Variants in NAV2 observed in about 807,000 individuals in gnomAD.
NAV2 encodes the protein helicase, APC down-regulated 1.
Under a neutral mutation model 223.2 loss-of-function variants are expected in NAV2, and 54 were observed. That is an observed-to-expected ratio of 0.24 (90% CI 0.19 to 0.30). NAV2 has a LOEUF of 0.30. Ranked by LOEUF, NAV2 falls within the 10% of genes least tolerant of loss-of-function variation. The probability of loss-of-function intolerance (pLI) is 1.00; values close to 1 mark genes in which losing one functional copy is unlikely to be tolerated. For missense variants in NAV2, 2,806 were observed against 3,147.5 expected (o/e 0.89, Z 2.60); for synonymous variants, 1,279 against 1,239.3 (o/e 1.03, Z -0.67).
At chr11:19,591,242 A>G (rs1484764580) in intron 1 of NAV2, 2 of 152,208 alleles carry the variant, frequency 1.3e-5, no homozygotes, top group East Asian at 1.9e-4. Context: ...CCCATTAACA[A>G]TCTCTGGATC....
intron 1 of NAV2, among the ~76,000 whole-genome samples, chr11:19,377,483 C>T (rs904603024): frequency 4.6e-5 from 7 of 152,284 alleles, no homozygotes; most frequent in Non-Finnish European, 5.9e-5. Context: ...TTATCCCCCT[C>T]GCTGTGTTTG....
intron 1 of NAV2, among the ~76,000 whole-genome samples, chr11:19,554,264 A>G (rs2044791883): frequency 6.6e-6 from 1 of 152,202 alleles, no homozygotes; most frequent in South Asian, 2.1e-4. Context: ...AGTGTGGCTC[A>G]GAGAGGTAAA....
chr11:19,871,209 A>C (rs2062467725), intron 4 of NAV2, among the ~76,000 whole-genome samples: 1 of 152,162 alleles, frequency 6.6e-6, no homozygotes, highest in Admixed American at 6.5e-5. Context: ...TGGCCAGGAT[A>C]TATAACTCTG....
At chr11:19,661,896 A>G (rs1422257849) in intron 1 of NAV2, among the ~76,000 whole-genome samples, 1 of 152,252 alleles carries the variant, frequency 6.6e-6, no homozygotes, top group East Asian at 1.9e-4. Flanking sequence ...TAGAAGTCAA[A>G]TTGGAACCCA....
At chr11:19,863,940 G>A (rs1293662316) in intron 3 of NAV2, among the ~76,000 whole-genome samples, 2 of 152,276 alleles carry the variant, frequency 1.3e-5, no homozygotes, top group East Asian at 1.9e-4. Context: ...ACTTTTGATG[G>A]CAAATAGCAA....
At chr11:19,689,545 C>T (rs2152256263) in intron 1 of NAV2, among the ~76,000 whole-genome samples, 1 of 152,302 alleles carries the variant, frequency 6.6e-6, no homozygotes, top group Non-Finnish European at 1.5e-5. Context: ...CATAATCAGC[C>T]AGCTAAATTG....
At chr11:20,046,253 T>A (rs994920317) in intron 14 of NAV2, among the ~76,000 whole-genome samples, 2 of 151,736 alleles carry the variant, frequency 1.3e-5, no homozygotes, top group Non-Finnish European at 1.5e-5. Flanking sequence ...GAAGAATCAC[T>A]TGAACCCAGG....
At chr11:19,500,170 G>A (rs2042920532) in intron 1 of NAV2, among the ~76,000 whole-genome samples, 2 of 152,238 alleles carry the variant, frequency 1.3e-5, no homozygotes, top group Middle Eastern at 3.4e-3. Flanking sequence ...AAAGACCTTG[G>A]CACATTTCCA....
chr11:19,908,159 C>T (rs1337765613), intron 6 of NAV2, among the ~76,000 whole-genome samples: 4 of 152,226 alleles, frequency 2.6e-5, no homozygotes, highest in African/African-American at 7.2e-5. Flanking sequence ...TCAGATGTAA[C>T]GCTTCAGAAA....
At chr11:19,971,109 G>A (rs1369189794) in intron 10 of NAV2, among the ~76,000 whole-genome samples, 1 of 152,192 alleles carries the variant, frequency 6.6e-6, no homozygotes, top group South Asian at 2.1e-4. Flanking sequence ...ATAAGCACAA[G>A]TGTTTTAGTC....
chr11:19,776,577 G>GGT (rs71050684), intron 1 of NAV2, among the ~76,000 whole-genome samples: 13,950 of 116,044 alleles, frequency 0.12, 1,201 homozygotes, highest in Non-Finnish European at 0.15. Context: ...CTGGGGCAGG[G>GGT]GTGTGTGTGT....
intron 1 of NAV2, among the ~76,000 whole-genome samples, chr11:19,612,228 C>T (rs557559858): frequency 3.9e-5 from 6 of 152,312 alleles, no homozygotes; most frequent in Admixed American, 3.9e-4. Flanking sequence ...CCCATGAGAG[C>T]ATTTTTTCCT....
intron 4 of NAV2, among the ~76,000 whole-genome samples, chr11:19,871,636 C>A (rs2062506652): frequency 6.6e-6 from 1 of 152,130 alleles, no homozygotes; most frequent in African/African-American, 2.4e-5. Flanking sequence ...CGGTACCTAC[C>A]ATAGGACTAG....
intron 1 of NAV2, among the ~76,000 whole-genome samples, chr11:19,681,962 A>G (rs112170764): frequency 0.019 from 2,955 of 152,248 alleles, 106 homozygotes; most frequent in African/African-American, 0.068. Context: ...GATGTCCACA[A>G]TATCAAGATA....
At chr11:19,906,074 G>T (rs1371916170) in intron 6 of NAV2, among the ~76,000 whole-genome samples, 1 of 152,122 alleles carries the variant, frequency 6.6e-6, no homozygotes, top group Admixed American at 6.6e-5. Context: ...GCTTCAGGGG[G>T]TCTCGGCTGG....
rs184792526 is a variant in NAV2 at position 19,439,572 on chromosome 11, G to A, written c.75+88545G>A. ...GTGATAATATTGACCTCACAGAGAG[G>A]TTGCGAGCTGTGGATGGGATAACCT... On this transcript the variant is annotated intron_variant, in intron 1 of 37. Coordinates refer to the NAV2 transcript ENST00000360655. Among the ~76,000 whole-genome samples the A allele has an allele frequency of 2.5e-4, 38 of 152,342 alleles. No homozygotes were observed. The East Asian group carries it at 6.2e-3, about 25-fold the overall frequency.
intron 1 of NAV2, among the ~76,000 whole-genome samples, chr11:19,724,337 C>T (rs2051044811): frequency 6.6e-6 from 1 of 152,208 alleles, no homozygotes; most frequent in South Asian, 2.1e-4. Context: ...TCCCCTCCTT[C>T]TACCAAGTAG....
chr11:19,568,174 A>C (rs975630430), intron 1 of NAV2, among the ~76,000 whole-genome samples: 1 of 152,232 alleles, frequency 6.6e-6, no homozygotes, highest in East Asian at 1.9e-4. Context: ...ATTCTTCTCT[A>C]GGCTTTGGCA....
intron 1 of NAV2, among the ~76,000 whole-genome samples, chr11:19,766,563 C>T (rs1192763964): frequency 6.6e-6 from 1 of 152,182 alleles, no homozygotes; most frequent in Non-Finnish European, 1.5e-5. Flanking sequence ...AAACACACAG[C>T]TGAGCCAACC....
Sources: gnomAD v4.1 joint callset for allele counts (sites outside exome capture counted in the v4.1 genomes callset) on GRCh38, gnomAD v4.1.1 for gene constraint, MANE v1.5 for transcripts, NCBI Gene and HGNC (gene_info 2026-07-23, HGNC 2026-07-21) for gene names.